CEP63: variants seen among roughly 807,000 people sequenced by gnomAD.
CEP63 encodes centrosomal protein 63, also known as centrosomal protein of 63 kDa.
CEP63 carries 84 observed loss-of-function variants against 89.1 expected under a neutral mutation model. That is an observed-to-expected ratio of 0.94 (90% CI 0.79 to 1.13). CEP63 has a LOEUF of 1.13. CEP63 is among the 50% of genes most tolerant of loss of function. CEP63 has a pLI of 0.00. For synonymous variants in CEP63, 267 were observed against 272.5 expected, an observed-to-expected ratio of 0.98 and a Z score of 0.20; for missense variants, 838 against 813.3, an observed-to-expected ratio of 1.03 and a Z score of -0.37.
At chr3:134,707,884 A>G in the CEP63 span, among the ~76,000 whole-genome samples, 6 of 151,910 alleles carry the variant, frequency 3.9e-5, no homozygotes, top group African/African-American at 1.2e-4. Context: ...AGTCTTCCCA[A>G]TGCATGGAAA....
At chr3:134,707,479 T>C in the CEP63 span, among the ~76,000 whole-genome samples, 2,980 of 152,288 alleles carry the variant, frequency 0.02, 98 homozygotes, top group African/African-American at 0.068. Flanking sequence ...ATAAGGGATC[T>C]CTGTGTCTTT....
At chr3:134,650,730 C>T in the CEP63 span, 1 of 1,202,756 alleles carries the variant, frequency 8.3e-7, no homozygotes, top group South Asian at 1.6e-5. Flanking sequence ...TGACCTCGTT[C>T]GGGGGAGCAA....
intron 2 of CEP63, among the ~76,000 whole-genome samples, chr3:134,505,435 G>A (rs1189741669): frequency 6.6e-6 from 1 of 152,194 alleles, no homozygotes; most frequent in Admixed American, 6.5e-5. Flanking sequence ...GTCAGTGGAG[G>A]CTATAGCAAG....
chr3:134,755,318 C>T, the CEP63 span, among the ~76,000 whole-genome samples: 3 of 152,192 alleles, frequency 2.0e-5, no homozygotes, highest in East Asian at 5.8e-4. Context: ...CCTGTGTTCA[C>T]CCAGAGCTGA....
chr3:134,701,277 C>CATACGTATATATGTGT, the CEP63 span, among the ~76,000 whole-genome samples: 1 of 38,686 alleles, frequency 2.6e-5, no homozygotes, highest in Admixed American at 2.8e-4. Context: ...CATATACACA[C>CATACGTATATATGTGT]ATATATACGT....
chr3:134,608,898 T>C, the CEP63 span: 1 of 1,547,552 alleles, frequency 6.5e-7, no homozygotes, highest in African/African-American at 1.4e-5. Context: ...AGGGGCCCAA[T>C]ACACCCACCG....
the CEP63 span, chr3:134,608,419 T>C: frequency 2.0e-6 from 3 of 1,493,064 alleles, no homozygotes; most frequent in East Asian, 8.1e-5. Context: ...CTAGTGTGAG[T>C]GAGCTTTTGT....
the CEP63 span, among the ~76,000 whole-genome samples, chr3:134,722,129 A>G: frequency 1.3e-5 from 2 of 152,118 alleles, no homozygotes; most frequent in African/African-American, 4.8e-5. Flanking sequence ...AAGTGTTAAT[A>G]TTACATATTT....
chr3:134,591,446 G>A (rs999471748), downstream of CEP63, among the ~76,000 whole-genome samples: 5 of 152,204 alleles, frequency 3.3e-5, no homozygotes. Context: ...TCTGGCGCAA[G>A]CTAGGCATGG....
At chr3:134,623,759 C>T in the CEP63 span, among the ~76,000 whole-genome samples, 7 of 152,122 alleles carry the variant, frequency 4.6e-5, no homozygotes, top group South Asian at 4.1e-4. Flanking sequence ...GCCGACATGG[C>T]GTCTGTCCTG....
At chr3:134,570,078 C>T (rs1957953500) in intron 11 of CEP63, among the ~76,000 whole-genome samples, 1 of 152,202 alleles carries the variant, frequency 6.6e-6, no homozygotes, top group Non-Finnish European at 1.5e-5. Flanking sequence ...GCATGGGGAC[C>T]CTGGGCCTGG....
At chr3:134,749,293 C>T in the CEP63 span, among the ~76,000 whole-genome samples, 23 of 152,150 alleles carry the variant, frequency 1.5e-4, no homozygotes, top group African/African-American at 5.6e-4. Context: ...ACTGGGGATG[C>T]TTATGCTGGT....
intron 1 of CEP63, among the ~76,000 whole-genome samples, chr3:134,494,795 C>T (rs1487224224): frequency 2.0e-5 from 3 of 152,168 alleles, no homozygotes; most frequent in African/African-American, 7.2e-5. Context: ...ATGTTGCATG[C>T]AGGAAGCTCT....
chr3:134,494,904 A>G (rs1939240061), intron 1 of CEP63, among the ~76,000 whole-genome samples: 1 of 152,162 alleles, frequency 6.6e-6, no homozygotes, highest in African/African-American at 2.4e-5. Flanking sequence ...TTTAATTTTT[A>G]AAAAGCTATA....
the CEP63 span, among the ~76,000 whole-genome samples, chr3:134,645,125 C>A: frequency 5.3e-5 from 8 of 152,294 alleles, no homozygotes; most frequent in African/African-American, 1.7e-4. Context: ...AGCTGTGGGG[C>A]GTCTGTCCCT....
the CEP63 span, among the ~76,000 whole-genome samples, chr3:134,740,378 A>G: frequency 6.6e-6 from 1 of 151,506 alleles, no homozygotes; most frequent in South Asian, 2.1e-4. Context: ...GCTCACTGCA[A>G]GCTCCGCTTC....
chr3:134,624,952 A>G, the CEP63 span: 1 of 1,031,442 alleles, frequency 9.7e-7, no homozygotes, highest in Non-Finnish European at 1.5e-6. Flanking sequence ...CAACCAAGCC[A>G]CTCAGGATAT....
chr3:134,638,686 A>G, the CEP63 span, among the ~76,000 whole-genome samples: 1 of 152,224 alleles, frequency 6.6e-6, no homozygotes, highest in Non-Finnish European at 1.5e-5. Flanking sequence ...ACAGGCAAGC[A>G]CAAGAATGTC....
At chr3:134,752,297 A>G in the CEP63 span, among the ~76,000 whole-genome samples, 1 of 152,208 alleles carries the variant, frequency 6.6e-6, no homozygotes, top group Admixed American at 6.5e-5. Context: ...AGGACTTCCC[A>G]GGATGACAGA....
Sources: allele counts gnomAD v4.1 joint callset (sites outside exome capture counted in the v4.1 genomes callset), GRCh38; gene constraint gnomAD v4.1.1; transcripts MANE v1.5; gene names NCBI Gene and HGNC (gene_info 2026-07-23, HGNC 2026-07-21).